Variants in GNA14 observed in about 807,000 individuals in gnomAD.
The protein encoded by GNA14 is guanine nucleotide-binding protein subunit alpha-14.
In GNA14, 50 loss-of-function variants were observed where a neutral mutation model predicts 42.0. That is an observed-to-expected ratio of 1.19 (90% CI 0.95 to 1.51). The LOEUF (loss-of-function observed/expected upper bound fraction) is 1.51, where lower values mean the gene tolerates loss of function less well. GNA14 is among the 40% of genes most tolerant of loss of function. GNA14 has a pLI of 0.00. For missense variants in GNA14, 473 were observed against 446.2 expected (o/e 1.06, Z -0.54); for synonymous variants, 173 against 163.1 (o/e 1.06, Z -0.46).
intron 2 of GNA14, among the ~76,000 whole-genome samples, chr9:77,490,647 A>G (rs7043005): frequency 0.58 from 87,697 of 152,134 alleles, 25,821 homozygotes; most frequent in East Asian, 0.84. Context: ...CTCACTGCCC[A>G]GGCCAGCAGG....
intron 2 of GNA14, among the ~76,000 whole-genome samples, chr9:77,497,487 C>T (rs1429641710): frequency 6.6e-6 from 1 of 152,170 alleles, no homozygotes; most frequent in Admixed American, 6.5e-5. Context: ...GAGCTTCAGA[C>T]CTAGCAGGGC....
chr9:77,560,684 T>C (rs541070556), intron 1 of GNA14, among the ~76,000 whole-genome samples: 1 of 152,308 alleles, frequency 6.6e-6, no homozygotes, highest in Admixed American at 6.5e-5. Flanking sequence ...AATATCACCT[T>C]ACCCTGGTTC....
intron 1 of GNA14, among the ~76,000 whole-genome samples, chr9:77,605,778 G>C (rs774732749): frequency 3.3e-5 from 5 of 152,184 alleles, no homozygotes; most frequent in African/African-American, 4.8e-5. Context: ...TTCTAGTACT[G>C]AATCTTTTCT....
At chr9:77,546,041 C>T (rs566661912) in intron 1 of GNA14, among the ~76,000 whole-genome samples, 1 of 151,978 alleles carries the variant, frequency 6.6e-6, no homozygotes, top group Admixed American at 6.6e-5. Context: ...CACAGCGAAA[C>T]CCCGTCTCTA....
chr9:77,511,352 T>A (rs79025747), intron 2 of GNA14, among the ~76,000 whole-genome samples: 262 of 152,242 alleles, frequency 1.7e-3, no homozygotes, highest in African/African-American at 6.0e-3. Context: ...TTCCTAAACC[T>A]GCATAGAAAA....
At chr9:77,535,373 T>C (rs985184146) in intron 1 of GNA14, among the ~76,000 whole-genome samples, 7 of 151,982 alleles carry the variant, frequency 4.6e-5, no homozygotes, top group African/African-American at 1.7e-4. Context: ...TGAAACCCCG[T>C]CTCTACTAAA....
chr9:77,595,203 G>A (rs1208672826), intron 1 of GNA14, among the ~76,000 whole-genome samples: 2 of 152,008 alleles, frequency 1.3e-5, no homozygotes, highest in Non-Finnish European at 2.9e-5. Context: ...CAGCAGTACA[G>A]AGCTGATGCT....
At chr9:77,552,498 C>T (rs1182019200) in intron 1 of GNA14, among the ~76,000 whole-genome samples, 2 of 152,164 alleles carry the variant, frequency 1.3e-5, no homozygotes, top group African/African-American at 2.4e-5. Context: ...TCCCAAGTTA[C>T]ACCAACTGGT....
chr9:77,634,231 G>A (rs1824142189), intron 1 of GNA14, among the ~76,000 whole-genome samples: 1 of 151,850 alleles, frequency 6.6e-6, no homozygotes, highest in South Asian at 2.1e-4. Flanking sequence ...ACCAGCCTGG[G>A]CAACACAGGG....
At chr9:77,445,796 C>T (rs7039129) in intron 2 of GNA14, among the ~76,000 whole-genome samples, 28,214 of 151,984 alleles carry the variant, frequency 0.19, 2,888 homozygotes, top group East Asian at 0.36. Context: ...GGCCATTAAA[C>T]GTGGTCATGT....
intron 2 of GNA14, among the ~76,000 whole-genome samples, chr9:77,477,959 T>C (rs1188594352): frequency 6.7e-6 from 1 of 149,422 alleles, no homozygotes; most frequent in Non-Finnish European, 1.5e-5. Flanking sequence ...CCAGGCAGTG[T>C]AATAGCGATC....
chr9:77,521,693 AAATATG>A (rs1003313201), intron 2 of GNA14, among the ~76,000 whole-genome samples: 15 of 152,220 alleles, frequency 9.9e-5, no homozygotes, highest in African/African-American at 3.6e-4. Context: ...TTGATTGCTT[AAATATG>A]AAGTTAGATG....
At chr9:77,565,838 G>T (rs1017965453) in intron 1 of GNA14, among the ~76,000 whole-genome samples, 1 of 152,160 alleles carries the variant, frequency 6.6e-6, no homozygotes, top group Non-Finnish European at 1.5e-5. Context: ...GAATGAGTCT[G>T]CTCCAAATAA....
intron 1 of GNA14, among the ~76,000 whole-genome samples, chr9:77,609,432 C>A (rs142404893): frequency 3.5e-4 from 53 of 152,296 alleles, no homozygotes; most frequent in African/African-American, 1.2e-3. Context: ...ACCAAAATTG[C>A]CTTTAACATC....
At position 77,647,764 on chromosome 9, in the gene GNA14, C is replaced by T. The variant is rs1252118181; in HGVS notation, c.30G>A (p.Glu10=). The part of the protein sequence containing the change: MAGCCCLSA[E]EKESQRISAE... ...CGCTGATGCGCTGCGACTCCTTCTC[C>T]TCCGCGGACAGGCAGCAGCAGCCGG... Residue 10 remains glutamate (E), a synonymous_variant, in exon 1 of 7, where the codon GAG becomes GAA. Coordinates refer to ENST00000341700, the MANE Select transcript of GNA14 (RefSeq NM_004297.4). The T allele has an allele frequency of 5.6e-6, 9 of 1,610,268 alleles. No homozygotes were observed. The highest frequency in any genetic ancestry group is 1.3e-5 in the African/African-American group (1 of 74,896).
intron 2 of GNA14, among the ~76,000 whole-genome samples, chr9:77,466,021 G>A (rs73654046): frequency 0.018 from 2,728 of 152,204 alleles, 54 homozygotes; most frequent in African/African-American, 0.048. Context: ...TTTATCTCTT[G>A]CCTCTTTCAA....
intron 6 of GNA14, among the ~76,000 whole-genome samples, chr9:77,424,801 T>G (rs1001911853): frequency 1.3e-5 from 2 of 151,966 alleles, no homozygotes; most frequent in African/African-American, 2.4e-5. Context: ...CTAGGAGAGA[T>G]AAAAGGAAGA....
intron 2 of GNA14, among the ~76,000 whole-genome samples, chr9:77,521,553 A>C (rs1395364752): frequency 1.3e-5 from 2 of 152,204 alleles, no homozygotes; most frequent in Non-Finnish European, 2.9e-5. Flanking sequence ...CTGGAAATTC[A>C]GCCTTCCACT....
chr9:77,620,211 T>C (rs1035554865), intron 1 of GNA14, among the ~76,000 whole-genome samples: 10 of 152,186 alleles, frequency 6.6e-5, no homozygotes, highest in Admixed American at 5.9e-4. Flanking sequence ...GATTTAGAGA[T>C]TGCCAAATCC....
Sources: gnomAD v4.1 joint callset for allele counts (sites outside exome capture counted in the v4.1 genomes callset) on GRCh38, gnomAD v4.1.1 for gene constraint, MANE v1.5 for transcripts, NCBI Gene and HGNC (gene_info 2026-07-23, HGNC 2026-07-21) for gene names.